The following ZNF568 variants were observed in gnomAD, a reference collection of about 807,000 sequenced individuals.
The protein encoded by ZNF568 is p53 inhibitor of SCO2 activation.
Under a neutral mutation model 18.1 loss-of-function variants are expected in ZNF568, and 11 were observed. The ratio of observed to expected loss-of-function variants is 0.61; its 90% CI spans 0.38 to 1.00. ZNF568 has a LOEUF of 1.00. ZNF568 is among the 50% of genes least tolerant of loss of function. The pLI is 0.01. For synonymous variants in ZNF568, 213 were observed against 246.6 expected (o/e 0.86, Z 1.28); for missense variants, 639 against 768.2 (o/e 0.83, Z 1.99).
chr19:36,987,856 G>A (rs1023146152), intron 2 of ZNF568, among the ~76,000 whole-genome samples: 4 of 149,482 alleles, frequency 2.7e-5, no homozygotes, highest in Admixed American at 6.6e-5. Context: ...GTGTGTTGGG[G>A]TACCAAAAGC....
chr19:36,965,956 T>C (rs566974361), intron 6 of ZNF568, among the ~76,000 whole-genome samples: 1 of 151,914 alleles, frequency 6.6e-6, no homozygotes, highest in African/African-American at 2.4e-5. Context: ...CGCCTCGGCC[T>C]CCCAAAGTGC....
intron 7 of ZNF568, among the ~76,000 whole-genome samples, chr19:36,974,945 G>A (rs1445348998): frequency 2.0e-5 from 3 of 149,362 alleles, no homozygotes; most frequent in Non-Finnish European, 3.0e-5. Flanking sequence ...TTCTGCCTCA[G>A]CCTCCTGAGT....
At chr19:36,960,700 C>A (rs2074142287) in intron 6 of ZNF568, among the ~76,000 whole-genome samples, 2 of 151,206 alleles carry the variant, frequency 1.3e-5, no homozygotes, top group African/African-American at 4.9e-5. Context: ...TGCACTCCAG[C>A]CTGGGCAACA....
intron 2 of ZNF568, among the ~76,000 whole-genome samples, chr19:36,989,529 T>C (rs930330938): frequency 3.0e-4 from 46 of 152,270 alleles, no homozygotes; most frequent in African/African-American, 9.6e-4. Context: ...AAGAAGTGTT[T>C]AGGTATTTAT....
intron 6 of ZNF568, among the ~76,000 whole-genome samples, chr19:36,965,704 C>CTT (rs34377774): frequency 6.7e-5 from 8 of 119,690 alleles, no homozygotes; most frequent in Admixed American, 9.2e-5. Flanking sequence ...TGATCAAGGA[C>CTT]TTTTTTTTTT....
downstream of ZNF568, among the ~76,000 whole-genome samples, chr19:36,953,104 C>T (rs1359203883): frequency 6.6e-6 from 1 of 152,148 alleles, no homozygotes; most frequent in Non-Finnish European, 1.5e-5. Flanking sequence ...GGCATCATGT[C>T]TACTACTCAC....
chr19:36,975,368 C>T (rs1449593432), intron 7 of ZNF568, among the ~76,000 whole-genome samples: 1 of 150,870 alleles, frequency 6.6e-6, no homozygotes. Flanking sequence ...AGGATGGTCT[C>T]GATCTCCTGA....
intron 6 of ZNF568, among the ~76,000 whole-genome samples, chr19:36,945,957 T>G (rs997373667): frequency 1.3e-5 from 2 of 151,494 alleles, no homozygotes; most frequent in Non-Finnish European, 2.9e-5. Flanking sequence ...TAGCCGGGCG[T>G]GGTGGTGTGC....
At chr19:36,961,021 A>G (rs1320049564) in intron 6 of ZNF568, among the ~76,000 whole-genome samples, 1 of 152,134 alleles carries the variant, frequency 6.6e-6, no homozygotes, top group African/African-American at 2.4e-5. Flanking sequence ...GGTTCTGTGA[A>G]TATCTGTTAG....
At chr19:36,968,397 A>G (rs1334024510) in intron 6 of ZNF568, among the ~76,000 whole-genome samples, 1 of 151,552 alleles carries the variant, frequency 6.6e-6, no homozygotes, top group Non-Finnish European at 1.5e-5. Flanking sequence ...ACATGGTGAA[A>G]CCCCATCTCT....
intron 4 of ZNF568, among the ~76,000 whole-genome samples, chr19:36,936,039 C>T (rs189172111): frequency 2.6e-5 from 4 of 151,944 alleles, no homozygotes; most frequent in Non-Finnish European, 5.9e-5. Context: ...TTTTGTTTCT[C>T]CTTTACTGCT....
intron 6 of ZNF568, among the ~76,000 whole-genome samples, chr19:36,973,038 G>T (rs1473333137): frequency 6.6e-6 from 1 of 152,224 alleles, no homozygotes; most frequent in Non-Finnish European, 1.5e-5. Context: ...GGTGCAGCTG[G>T]GCAGTCTGGC....
Position 36,952,068 on chromosome 19 carries a change from A to G in ZNF568, c.*980A>G. 1.1e-6 allele frequency: 1 copy of G among 936,322 alleles called. No individual in the cohort carries two copies. The highest frequency in any genetic ancestry group is 1.2e-6 in the Non-Finnish European group (1 of 800,140). The allele number at this position is 936,322 out of a possible 1,614,324, so 58.0% of individuals were successfully genotyped here. On this transcript the variant is annotated 3_prime_UTR_variant, in exon 7 of 7. Transcript: ENST00000333987. ...TTTTTTTTTTTTTCAAGACAAAAGG[A>G]CTCTGTAATTCCACTTCTAGGTATA... is the stretch of plus-strand genomic sequence containing the variant.
At chr19:36,990,999 G>A in intron 2 of ZNF568, 1 of 592,620 alleles carries the variant, frequency 1.7e-6, no homozygotes. Flanking sequence ...GAACCATGTG[G>A]GCACTTCACT....
intron 2 of ZNF568, among the ~76,000 whole-genome samples, chr19:36,921,974 C>T (rs933225472): frequency 1.3e-5 from 2 of 152,152 alleles, no homozygotes; most frequent in Non-Finnish European, 2.9e-5. Context: ...AGGTAAACAT[C>T]ACTTGGTTTA....
chr19:36,983,051 T>A (rs572981220), downstream of ZNF568, among the ~76,000 whole-genome samples: 1 of 152,258 alleles, frequency 6.6e-6, no homozygotes, highest in Non-Finnish European at 1.5e-5. Flanking sequence ...AAAAGAATTA[T>A]ATTTTATGAC....
chr19:36,924,419 A>C (rs1338151951), intron 3 of ZNF568, among the ~76,000 whole-genome samples: 2 of 151,600 alleles, frequency 1.3e-5, no homozygotes, highest in African/African-American at 2.4e-5. Flanking sequence ...GGGTTTCGCC[A>C]TATTGGCCAA....
intron 4 of ZNF568, among the ~76,000 whole-genome samples, chr19:36,927,844 ATGTGTGTG>A (rs367925001): frequency 6.6e-4 from 55 of 83,830 alleles, no homozygotes; most frequent in African/African-American, 2.7e-3. Context: ...ATAAAGATAT[ATGTGTGTG>A]TGTGTGTGTA....
chr19:36,959,434 T>C (rs757994552), intron 6 of ZNF568, among the ~76,000 whole-genome samples: 7 of 152,212 alleles, frequency 4.6e-5, no homozygotes, highest in Non-Finnish European at 8.8e-5. Flanking sequence ...TTGAGGATTT[T>C]TGCATCTACC....
Sources: allele counts gnomAD v4.1 joint callset (sites outside exome capture counted in the v4.1 genomes callset), GRCh38; gene constraint gnomAD v4.1.1; transcripts MANE v1.5; gene names NCBI Gene and HGNC (gene_info 2026-07-23, HGNC 2026-07-21).